Variants in ASCL3 observed in about 807,000 individuals in gnomAD.
ASCL3 encodes the protein achaete-scute family bHLH transcription factor 3, also known as achaete-scute homolog 3.
In ASCL3, 1 loss-of-function variant was observed where a neutral mutation model predicts 2.3. The ratio of observed to expected loss-of-function variants is 0.44; its 90% CI spans 0.16 to 2.10. The LOEUF is 2.10. ASCL3 is among the 30% of genes most tolerant of loss of function. The probability of loss-of-function intolerance (pLI) is 0.28; values close to 1 mark genes in which losing one functional copy is unlikely to be tolerated. For synonymous variants in ASCL3, 98 were observed against 88.5 expected, an observed-to-expected ratio of 1.11 and a Z score of -0.60; for missense variants, 243 against 229.0, an observed-to-expected ratio of 1.06 and a Z score of -0.40.
intron 1 of ASCL3, among the ~76,000 whole-genome samples, chr11:8,941,643 G>A (rs537360540): frequency 6.6e-6 from 1 of 152,192 alleles, no homozygotes; most frequent in South Asian, 2.1e-4. Context: ...TAAAAGCGAC[G>A]GGGTGGTGGG....
chr11:8,942,958 C>T (rs543845950), intron 1 of ASCL3, among the ~76,000 whole-genome samples, 28 bp downstream of exon 1: 8 of 152,276 alleles, frequency 5.3e-5, no homozygotes, highest in East Asian at 1.9e-4. Context: ...TTCTTCCCCA[C>T]GGGCCACTCT....
chr11:8,942,950 C>A (rs1853722957), intron 1 of ASCL3, among the ~76,000 whole-genome samples, 36 bp downstream of exon 1: 1 of 152,138 alleles, frequency 6.6e-6, no homozygotes, highest in South Asian at 2.1e-4. Flanking sequence ...TGTTCTTATT[C>A]TTCCCCACGG....
At position 8,937,929 on chromosome 11, in the gene ASCL3, A is replaced by T. The variant is rs767502924; in HGVS notation, c.233T>A (p.Met78Lys). ...GCACCCTCTGTAATTTGGATAAGGC[A>T]TCGGGAAAGAGAAGGGGCAGGGTTC... ...YSEPCPFSFP[M>K]PYPNYRGCEY... Residue 78 changes from methionine (M) to lysine (K), a missense_variant, in exon 2 of 2, where the codon ATG (methionine) becomes AAG (lysine). Transcript: ENST00000531618. 3 of 1,613,940 alleles carry T rather than the reference A, an allele frequency of 1.9e-6. No individual in the cohort carries two copies. Among genetic ancestry groups the T allele is most frequent in the Non-Finnish European group, 2.5e-6 (3 of 1,179,950 alleles).
intron 1 of ASCL3, among the ~76,000 whole-genome samples, chr11:8,938,394 G>A (rs1485800081): frequency 6.6e-6 from 1 of 151,856 alleles, no homozygotes; most frequent in East Asian, 1.9e-4. Flanking sequence ...GGGATTACAG[G>A]CGTCTGCCAC....
rs758235175 is a variant in ASCL3 at position 8,937,626 on chromosome 11, C to G, written c.536G>C (p.Arg179Thr). ...TTTGGAAACAGCAACTCAAACAATT[C>G]TGAACATAGGGTCAGCATGGTGGCT... ...TTSHHADPMFRIV is the reference protein window; with the variant it reads ...TTSHHADPMFTIV Residue 179 changes from arginine (R) to threonine (T), a missense_variant, in exon 2 of 2, where the codon AGA becomes ACA. Coordinates refer to ENST00000531618, the MANE Select transcript of ASCL3 (RefSeq NM_020646.3). 5 of 1,609,762 alleles carry G rather than the reference C, an allele frequency of 3.1e-6. No homozygotes were observed. The Admixed American group carries it at 6.7e-5, about 22-fold the overall frequency.
At chr11:8,939,096 G>A (rs551129111) in intron 1 of ASCL3, among the ~76,000 whole-genome samples, 11 of 152,054 alleles carry the variant, frequency 7.2e-5, no homozygotes, top group South Asian at 6.2e-4. Context: ...GGAAGCCACC[G>A]TGCCTGGCCT....
chr11:8,937,705 T>C lies in ASCL3; in HGVS notation c.457A>G (p.Lys153Glu). 4 of 1,614,096 alleles carry C rather than the reference T, an allele frequency of 2.5e-6. No homozygotes were observed. Among genetic ancestry groups the C allele is most frequent in the Non-Finnish European group, 3.4e-6 (4 of 1,179,990 alleles). ...NYLQSLLYPD[K>E]AETKNNPGKV... ...CCAGGGTTATTCTTGGTCTCAGCTT[T>C]ATCAGGGTACAGAAGAGACTGCAGG... is the stretch of plus-strand genomic sequence containing the variant. The change falls in exon 2 of 2, where the codon AAA (lysine) becomes GAA (glutamate). Residue 153 changes from lysine to glutamate, a missense_variant. By Grantham distance (56) the Lys-to-Glu change is moderately conservative. Transcript: ENST00000531618.
intron 1 of ASCL3, among the ~76,000 whole-genome samples, chr11:8,941,976 G>T (rs1250328326): frequency 6.6e-6 from 1 of 152,056 alleles, no homozygotes; most frequent in Non-Finnish European, 1.5e-5. Flanking sequence ...TAACAAGCTG[G>T]AATTAACAGG....
chr11:8,939,603 G>C (rs1589939414), intron 1 of ASCL3, among the ~76,000 whole-genome samples: 1 of 152,126 alleles, frequency 6.6e-6, no homozygotes, highest in African/African-American at 2.4e-5. Flanking sequence ...AAGACAAAGA[G>C]TGAGTAAATA....
chr11:8,941,575 A>G lies in ASCL3; in HGVS notation c.-13+1411T>C, dbSNP rs1024221159. Reference sequence around the variant, plus strand: ...GGAGGAGTGGCCAGGGTTAAAGGCTATAGTAAGTCATGGTGAAAGAGGCTG... The same window carrying G: ...GGAGGAGTGGCCAGGGTTAAAGGCTGTAGTAAGTCATGGTGAAAGAGGCTG... On this transcript the variant is annotated intron_variant, in intron 1 of 1. Transcript: ENST00000531618. 7.6e-4 allele frequency among the ~76,000 whole-genome samples: 115 copies of G among 151,508 alleles called. 1 individual carries two copies. The highest frequency in any genetic ancestry group is 2.7e-3 in the African/African-American group (112 of 41,378).
intron 1 of ASCL3, among the ~76,000 whole-genome samples, chr11:8,941,342 TACACAC>T (rs34828031): frequency 1.9e-4 from 28 of 146,614 alleles, no homozygotes; most frequent in Admixed American, 3.5e-4. Flanking sequence ...CACACACACA[TACACAC>T]ACACACACAC....
chr11:8,939,481 C>T (rs1380008340), intron 1 of ASCL3, among the ~76,000 whole-genome samples: 1 of 152,076 alleles, frequency 6.6e-6, no homozygotes, highest in African/African-American at 2.4e-5. Context: ...CCTCATGATC[C>T]ACCCGCCTTG....
chr11:8,941,933 C>G (rs555801797), intron 1 of ASCL3, among the ~76,000 whole-genome samples: 1 of 152,018 alleles, frequency 6.6e-6, no homozygotes, highest in Non-Finnish European at 1.5e-5. Flanking sequence ...ACTGCACTTC[C>G]GACAACAGCA....
At chr11:8,939,504 G>A (rs1056619845) in intron 1 of ASCL3, among the ~76,000 whole-genome samples, 1 of 152,112 alleles carries the variant, frequency 6.6e-6, no homozygotes, top group Non-Finnish European at 1.5e-5. Flanking sequence ...CTCCCAAAGT[G>A]CTGGGATTAC....
At chr11:8,941,770 A>T (rs1036633496) in intron 1 of ASCL3, among the ~76,000 whole-genome samples, 2 of 152,184 alleles carry the variant, frequency 1.3e-5, no homozygotes, top group African/African-American at 4.8e-5. Context: ...TCTCTGGAAA[A>T]CTAAAAACTA....
In ASCL3 at chr11:8,938,177, C is replaced by A; in HGVS notation, c.-12-4G>T. 4 of 1,562,752 alleles carry A rather than the reference C, an allele frequency of 2.6e-6. No homozygotes were observed. The highest frequency in any genetic ancestry group is 3.5e-6 in the Non-Finnish European group (4 of 1,153,072). Reference sequence around the variant, plus strand: ...TGTCCATCATTTCCTCTTTAACCTGCAAACATAACCAAGTTTAACAATGTG... The same window carrying A: ...TGTCCATCATTTCCTCTTTAACCTGAAAACATAACCAAGTTTAACAATGTG... On this transcript the variant is annotated splice_polypyrimidine_tract_variant and splice_region_variant and intron_variant, in intron 1 of 1. Transcript: ENST00000531618.
intron 1 of ASCL3, among the ~76,000 whole-genome samples, chr11:8,939,682 G>T: frequency 6.6e-6 from 1 of 152,166 alleles, no homozygotes; most frequent in South Asian, 2.1e-4. Context: ...TGTGGGAAAG[G>T]CTGAAACACC....
rs202106934 is a variant in ASCL3 at position 8,937,708 on chromosome 11, C to G, written c.454G>C (p.Asp152His). 27 of 1,614,102 alleles carry G rather than the reference C, an allele frequency of 1.7e-5. No homozygotes were observed. In the East Asian group the frequency reaches 6.0e-4, roughly 36 times the overall value. Residue 152 changes from aspartate (D) to histidine (H), a missense_variant, in exon 2 of 2, where the codon GAT (aspartate) becomes CAT (histidine). Asp to His is a moderately conservative substitution (Grantham distance 81). Coordinates refer to ENST00000531618, the MANE Select transcript of ASCL3 (RefSeq NM_020646.3). ...GGGTTATTCTTGGTCTCAGCTTTATCAGGGTACAGAAGAGACTGCAGGTAG... is the reference window on the plus strand; with the variant it reads ...GGGTTATTCTTGGTCTCAGCTTTATGAGGGTACAGAAGAGACTGCAGGTAG... ...INYLQSLLYP[D>H]KAETKNNPGK...
rs765434725 is a variant in ASCL3, at chr11:8,938,018, A to G, written c.144T>C (p.Pro48=). 2 of 1,614,008 alleles carry G rather than the reference A, an allele frequency of 1.2e-6. No homozygotes were observed. The highest frequency in any genetic ancestry group is 8.5e-7 in the Non-Finnish European group (1 of 1,179,954). The change falls in exon 2 of 2, where the codon CCT becomes CCC. Residue 48 remains proline (P), a synonymous_variant. Transcript: ENST00000531618. The part of the protein sequence containing the change: ...HVHPEAPVSS[P]YSEELPRLPF... ...GCAGCCGTGGCAGCTCCTCAGAGTA[A>G]GGGGATGACACCGGGGCCTCTGGGT...
Sources: gnomAD v4.1 joint callset for allele counts (sites outside exome capture counted in the v4.1 genomes callset) on GRCh38, gnomAD v4.1.1 for gene constraint, MANE v1.5 for transcripts, NCBI Gene and HGNC (gene_info 2026-07-23, HGNC 2026-07-21) for gene names.